The following PLCG1 variants were observed in gnomAD, a reference collection of about 807,000 sequenced individuals.
PLCG1 encodes the protein 1-phosphatidylinositol 4,5-bisphosphate phosphodiesterase gamma-1.
In PLCG1, 71 loss-of-function variants were observed where a neutral mutation model predicts 177.8. That is an observed-to-expected ratio of 0.40 (90% CI 0.33 to 0.49). The LOEUF (loss-of-function observed/expected upper bound fraction) is 0.49, where lower values mean the gene tolerates loss of function less well. PLCG1 is among the 20% of genes least tolerant of loss of function. PLCG1 has a pLI of 0.72. For synonymous variants in PLCG1, 658 were observed against 647.9 expected, an observed-to-expected ratio of 1.02 and a Z score of -0.24; for missense variants, 1,281 against 1,709.0, an observed-to-expected ratio of 0.75 and a Z score of 4.42.
chr20:41,141,482 C>T (rs1352732238), intron 1 of PLCG1, among the ~76,000 whole-genome samples: 1 of 152,234 alleles, frequency 6.6e-6, no homozygotes, highest in African/African-American at 2.4e-5. Flanking sequence ...ACCCCTGTGG[C>T]TGGGGAGCAG....
At chr20:41,169,909 C>T (rs538647385) in intron 23 of PLCG1, among the ~76,000 whole-genome samples, 1 of 152,184 alleles carries the variant, frequency 6.6e-6, no homozygotes, top group African/African-American at 2.4e-5. Context: ...AACACTGGCT[C>T]CACCACAACC....
rs1402943111 is a variant in PLCG1, at chr20:41,175,243, C to T, written c.*734C>T. 1 of 150,916 alleles carries T rather than the reference C, an allele frequency of 6.6e-6. No homozygotes were observed. The highest frequency in any genetic ancestry group is 2.4e-5 in the African/African-American group (1 of 41,178). 9.3% of individuals were successfully genotyped at this position (150,916 alleles called of 1,614,324 possible). A position where few individuals can be genotyped will look rare whatever the true frequency, so the allele number is the denominator to read the frequency against. ...CTTGGAGAGGAGAGTGGCAGGTGGGCTGCCTGCTGTGTTAAGAGGACTTAG... is the reference window on the plus strand; with the variant it reads ...CTTGGAGAGGAGAGTGGCAGGTGGGTTGCCTGCTGTGTTAAGAGGACTTAG... On this transcript the variant is annotated 3_prime_UTR_variant, in exon 32 of 32. Coordinates refer to ENST00000685551, the MANE Select transcript of PLCG1 (RefSeq NM_002660.3).
chr20:41,169,739 T>C, intron 23 of PLCG1: 1 of 585,880 alleles, frequency 1.7e-6, no homozygotes, highest in Non-Finnish European at 3.0e-6. Flanking sequence ...TGCCAGGCAC[T>C]GGGGAACCCG....
In PLCG1 at chr20:41,166,389, CAA is replaced by C; in HGVS notation, c.1997_1998del (p.Lys666ArgfsTer13). The C allele has an allele frequency of 6.2e-7, 1 of 1,614,096 alleles. No individual in the cohort carries two copies. Among genetic ancestry groups the C allele is most frequent in the Non-Finnish European group, 8.5e-7 (1 of 1,180,048 alleles). ...TCCCACAGACCAACGCCCACGAGAG[CAA>C]AGAGTGAGGGAAGGGCCTGGGGGCG... ...PVPQTNAHES[K>X]EWYHASLTRA... On this transcript the variant is annotated frameshift_variant, in exon 17 of 32. Transcript: ENST00000685551. LOFTEE classifies it high-confidence loss of function. The surrounding 1 kb of genome is among the most constrained non-coding windows in gnomAD (Gnocchi z 8.6).
Position 41,167,678 on chromosome 20 carries a change from A to G in PLCG1, c.2302-174A>G. 5.0e-6 allele frequency: 3 copies of G among 601,718 alleles called. No individual in the cohort carries two copies. The highest frequency in any genetic ancestry group is 2.8e-5 in the East Asian group (1 of 36,114). 37.3% of individuals were successfully genotyped at this position (601,718 alleles called of 1,614,324 possible). A position where few individuals can be genotyped will look rare whatever the true frequency, so the allele number is the denominator to read the frequency against. On this transcript the variant is annotated intron_variant, in intron 19 of 31. Coordinates refer to ENST00000685551, the MANE Select transcript of PLCG1 (RefSeq NM_002660.3). This position sits in a 1 kb window ranked among gnomAD's most constrained non-coding sequence, Gnocchi z 4.4. ...AGAATGTGAAGAAAGGAAAGGGAAC[A>G]GTGAGGCCGGGCCTGAGGCCTCTGA... is the stretch of plus-strand genomic sequence containing the variant.
At chr20:41,171,325 G>A (rs975548762) in intron 24 of PLCG1, among the ~76,000 whole-genome samples, 8 of 152,224 alleles carry the variant, frequency 5.3e-5, no homozygotes, top group Middle Eastern at 3.4e-3. Flanking sequence ...GGTGGCTCAC[G>A]CCTGTAATCC....
rs778460422 is a variant in PLCG1, at chr20:41,163,999, C to T, written c.1089C>T (p.Cys363=). The change falls in exon 11 of 32, where the codon TGC becomes TGT. Residue 363 remains cysteine (C), a synonymous_variant. Coordinates refer to ENST00000685551, the MANE Select transcript of PLCG1 (RefSeq NM_002660.3). This position sits in a 1 kb window ranked among gnomAD's most constrained non-coding sequence, Gnocchi z 5.2. The part of the protein sequence containing the change: ...YARCLRMGCR[C]IELDCWDGPD... ...GCTGCCTGCGGATGGGCTGTCGCTG[C>T]ATTGAGTGTGCGTGGGGTCCAGGGC... 1.2e-6 allele frequency: 2 copies of T among 1,614,200 alleles called. No homozygotes were observed. Among genetic ancestry groups the T allele is most frequent in the East Asian group, 4.5e-5 (2 of 44,884 alleles).
At chr20:41,141,964 A>G (rs1215255049) in intron 1 of PLCG1, among the ~76,000 whole-genome samples, 1 of 152,224 alleles carries the variant, frequency 6.6e-6, no homozygotes, top group Non-Finnish European at 1.5e-5. Context: ...GCTTCTTGGA[A>G]TGAGGCACAT....
chr20:41,137,687 G>A lies in PLCG1; in HGVS notation c.46G>A (p.Ala16Thr). 1.5e-6 allele frequency: 2 copies of A among 1,320,588 alleles called. No homozygotes were observed. The highest frequency in any genetic ancestry group is 2.4e-5 in the South Asian group (1 of 41,548). The allele number at this position is 1,320,588 out of a possible 1,614,324, so 81.8% of individuals were successfully genotyped here. Residue 16 changes from alanine (A) to threonine (T), a missense_variant, in exon 1 of 32, where the codon GCG (alanine) becomes ACG (threonine). Physicochemically the swap from Ala to Thr is moderately conservative, Grantham distance 58. Around this residue, in one of 4 missense-constraint regions of PLCG1, gnomAD observed 374 missense variants for 443.8 expected, o/e 0.84. Coordinates refer to ENST00000685551, the MANE Select transcript of PLCG1 (RefSeq NM_002660.3). This position sits in a 1 kb window ranked among gnomAD's most constrained non-coding sequence, Gnocchi z 7.3. ...TTGCGCCAACGGCTGCGGGCCCGGC[G>A]CGCCCTCGGACGCCGAGGTGCTGCA... The part of the protein sequence containing the change: ...SPCANGCGPG[A>T]PSDAEVLHLC...
Position 41,160,830 on chromosome 20 carries a change from A to G in PLCG1, c.512+677A>G, listed in dbSNP as rs530468663. Reference sequence around the variant, plus strand: ...TTGGGGTGTGAGAGGCATTGAGGATAATAGTATGCTGTTTGGCTTGAGCAA... The same window carrying G: ...TTGGGGTGTGAGAGGCATTGAGGATGATAGTATGCTGTTTGGCTTGAGCAA... On this transcript the variant is annotated intron_variant, in intron 4 of 31. Transcript: ENST00000685551. This position sits in a 1 kb window ranked among gnomAD's most constrained non-coding sequence, Gnocchi z 5.5. Among the ~76,000 whole-genome samples the G allele has an allele frequency of 1.1e-4, 17 of 152,170 alleles. No homozygotes were observed. Among genetic ancestry groups the G allele is most frequent in the Non-Finnish European group, 2.4e-4 (16 of 68,032 alleles).
Position 41,165,996 on chromosome 20 carries a change from C to T in PLCG1, c.1799+170C>T, listed in dbSNP as rs113580387. 8 of 681,838 alleles carry T rather than the reference C, an allele frequency of 1.2e-5. No homozygotes were observed. The highest frequency in any genetic ancestry group is 1.9e-5 in the Non-Finnish European group (8 of 414,282). The allele number at this position is 681,838 out of a possible 1,614,324, so 42.2% of individuals were successfully genotyped here. ...CACACACACTCTCTGTCTCACCCCC[C>T]CCCCATACCCCTCCCTTTTCGGTTC... On this transcript the variant is annotated intron_variant, in intron 16 of 31. Coordinates refer to ENST00000685551, the MANE Select transcript of PLCG1 (RefSeq NM_002660.3). This position sits in a 1 kb window ranked among gnomAD's most constrained non-coding sequence, Gnocchi z 6.6.
chr20:41,152,208 C>T (rs997894068), intron 1 of PLCG1, among the ~76,000 whole-genome samples: 11 of 152,206 alleles, frequency 7.2e-5, no homozygotes. Flanking sequence ...TTTTGGAGAT[C>T]TACACACCTC....
Position 41,150,963 on chromosome 20 carries a change from C to A in PLCG1, c.218-8643C>A, listed in dbSNP as rs566416195. ...CAAATGCCTTATTGATCTCTGTTTC[C>A]CTAGGACCCAGCCCAGGGCCTGACA... On this transcript the variant is annotated intron_variant, in intron 1 of 31. Coordinates refer to ENST00000685551, the MANE Select transcript of PLCG1 (RefSeq NM_002660.3). The surrounding 1 kb of genome is among the most constrained non-coding windows in gnomAD (Gnocchi z 4.0). Among the ~76,000 whole-genome samples, 2 of 152,268 alleles carry A rather than the reference C, an allele frequency of 1.3e-5. No homozygotes were observed. Among genetic ancestry groups the A allele is most frequent in the African/African-American group, 4.8e-5 (2 of 41,560 alleles).
At position 41,168,530 on chromosome 20, in the gene PLCG1, G is replaced by T. The variant is rs183810712; in HGVS notation, c.2380-237G>T. Among the ~76,000 whole-genome samples the T allele has an allele frequency of 3.3e-5, 5 of 152,346 alleles. No homozygotes were observed. The East Asian group carries it at 9.7e-4, about 29-fold the overall frequency. On this transcript the variant is annotated intron_variant, in intron 20 of 31. Transcript: ENST00000685551. The stretch of plus-strand genomic sequence containing the variant: ...CAGGGTGGGGCTTAAGGTTCCACCT[G>T]GGTCCCGAGGTATTTCACTGGCAGA...
chr20:41,162,072 T>C (rs2035517439), intron 4 of PLCG1, among the ~76,000 whole-genome samples: 1 of 151,974 alleles, frequency 6.6e-6, no homozygotes, highest in African/African-American at 2.4e-5. Context: ...CTGCCTTCTG[T>C]CTTGGATAGG....
At chr20:41,152,461 G>A (rs1166091953) in intron 1 of PLCG1, among the ~76,000 whole-genome samples, 1 of 152,204 alleles carries the variant, frequency 6.6e-6, no homozygotes, top group Admixed American at 6.5e-5. Flanking sequence ...TGTTCCCGTT[G>A]TTACCTCACT....
In PLCG1 at chr20:41,146,594, TTG is replaced by T. The variant is rs2035001988; in HGVS notation, c.217+8744_217+8745del. ...GGCCATGGCGAGTTTGGCCACTTGT[TTG>T]TGTGTGTTTAGTTCTTCCTGGGCAC... On this transcript the variant is annotated intron_variant, in intron 1 of 31. Coordinates refer to ENST00000685551, the MANE Select transcript of PLCG1 (RefSeq NM_002660.3). This position sits in a 1 kb window ranked among gnomAD's most constrained non-coding sequence, Gnocchi z 6.3. Among the ~76,000 whole-genome samples, 1 of 152,172 alleles carries T rather than the reference TTG, an allele frequency of 6.6e-6. No individual in the cohort carries two copies. The highest frequency in any genetic ancestry group is 1.5e-5 in the Non-Finnish European group (1 of 68,016).
chr20:41,166,450 C>T lies in PLCG1; in HGVS notation c.2001-26C>T. 6.2e-7 allele frequency: 1 copy of T among 1,613,896 alleles called. No individual in the cohort carries two copies. The highest frequency in any genetic ancestry group is 8.5e-7 in the Non-Finnish European group (1 of 1,179,980). On this transcript the variant is annotated intron_variant, in intron 17 of 31. Transcript: ENST00000685551. The surrounding 1 kb of genome is among the most constrained non-coding windows in gnomAD (Gnocchi z 8.6). ...AGGGCAGGGCCATGGGTGGTGCTGG[C>T]CGGGCCTGACTCTGCCTGTTCTCAG...
At position 41,174,022 on chromosome 20, in the gene PLCG1, C is replaced by T. The variant is rs748890138; in HGVS notation, c.3645+11C>T. On this transcript the variant is annotated intron_variant, in intron 30 of 31. Transcript: ENST00000685551. This position sits in a 1 kb window ranked among gnomAD's most constrained non-coding sequence, Gnocchi z 5.8. ...ATTTTCCCTGCCAAGGTATCTGCAG[C>T]AGGGGTGGGCTGGCCTGGGGTAGGT... 2 of 1,612,672 alleles carry T rather than the reference C, an allele frequency of 1.2e-6. No individual in the cohort carries two copies. The highest frequency in any genetic ancestry group is 2.7e-5 in the African/African-American group (2 of 74,926).
Sources: allele counts gnomAD v4.1 joint callset (sites outside exome capture counted in the v4.1 genomes callset), GRCh38; gene constraint gnomAD v4.1.1; regional missense constraint gnomAD v4.1.1; non-coding constraint Gnocchi (gnomAD v3.1); transcripts MANE v1.5; gene names NCBI Gene and HGNC (gene_info 2026-07-23, HGNC 2026-07-21).